The following ESRP1 variants were observed in gnomAD, a reference collection of about 807,000 sequenced individuals.
ESRP1 encodes the protein epithelial splicing regulatory protein 1, also known as RNA-binding motif protein 35A.
Under a neutral mutation model 81.7 loss-of-function variants are expected in ESRP1, and 33 were observed. That is an observed-to-expected ratio of 0.40 (90% CI 0.31 to 0.54). ESRP1 has a LOEUF of 0.54. Among genes scored for constraint, ESRP1 ranks in the 20% least tolerant of loss-of-function variants. ESRP1 has a pLI of 0.41. For missense variants in ESRP1, 672 were observed against 833.1 expected, an observed-to-expected ratio of 0.81 and a Z score of 2.38; for synonymous variants, 320 against 303.3, an observed-to-expected ratio of 1.06 and a Z score of -0.57.
intron 3 of ESRP1, among the ~76,000 whole-genome samples, chr8:94,645,217 C>T (rs1356327174): frequency 6.6e-6 from 1 of 151,984 alleles, no homozygotes. Flanking sequence ...CAGGTCACAT[C>T]TAGTAAAATC....
Position 94,642,024 on chromosome 8 carries a change from A to T in ESRP1, c.201A>T (p.Glu67Asp), listed in dbSNP as rs750891512. 2 of 1,613,872 alleles carry T rather than the reference A, an allele frequency of 1.2e-6. No individual in the cohort carries two copies. The highest frequency in any genetic ancestry group is 2.7e-5 in the African/African-American group (2 of 74,960). Residue 67 changes from glutamate (E) to aspartate (D), a missense_variant, in exon 2 of 16, where the codon GAA becomes GAT. Coordinates refer to ENST00000433389, the MANE Select transcript of ESRP1 (RefSeq NM_017697.4). ...QLELTEDCKE[E>D]TKIDVESLSS... ...AACTGACGGAGGACTGCAAAGAAGA[A>T]ACTAAAATAGACGTCGAAAGCCTGT...
chr8:94,701,168 A>G (rs1257253193), intron 15 of ESRP1, among the ~76,000 whole-genome samples: 3 of 150,398 alleles, frequency 2.0e-5, no homozygotes, highest in South Asian at 4.2e-4. Context: ...CCAGCTACTC[A>G]GAAGGCTGAG....
intron 13 of ESRP1, among the ~76,000 whole-genome samples, chr8:94,682,904 T>TTATATATATATATATATATATA (rs1170938965): frequency 1.3e-4 from 4 of 29,848 alleles, no homozygotes; most frequent in African/African-American, 7.1e-4. Flanking sequence ...ATTCATTATT[T>TTATATATATATATATATATATA]TATATATATA....
rs188930435 is a variant in ESRP1 at position 94,672,533 on chromosome 8, G to C, written c.1452+862G>C. ...CCAGGTGGTTGTAGTTGAAACTTTG[G>C]AACTTTTTTTTTTTTTTGAGACAGA... On this transcript the variant is annotated intron_variant, in intron 11 of 15. Transcript: ENST00000433389. Among the ~76,000 whole-genome samples the C allele has an allele frequency of 1.5e-4, 22 of 151,264 alleles. No homozygotes were observed. In the East Asian group the frequency reaches 2.9e-3, roughly 20 times the overall value.
intron 13 of ESRP1, among the ~76,000 whole-genome samples, chr8:94,679,189 T>C (rs1372672831): frequency 1.3e-5 from 2 of 152,254 alleles, no homozygotes; most frequent in African/African-American, 4.8e-5. Flanking sequence ...CCACTTTTAA[T>C]TATGTTTTTT....
At position 94,706,316 on chromosome 8, in the gene ESRP1, G is replaced by A. The variant is rs755359043; in HGVS notation, c.*427G>A. 11 of 182,948 alleles carry A rather than the reference G, an allele frequency of 6.0e-5. No homozygotes were observed. Among genetic ancestry groups the A allele is most frequent in the Middle Eastern group, 4.7e-3 (2 of 424 alleles). 11.3% of individuals were successfully genotyped at this position (182,948 alleles called of 1,614,324 possible). ...GGAAGCTTCATTTTTGTATATTCCC[G>A]CTCTTTTCTCTTCATTTCCCTGTCT... On this transcript the variant is annotated 3_prime_UTR_variant, in exon 16 of 16. Coordinates refer to ENST00000433389, the MANE Select transcript of ESRP1 (RefSeq NM_017697.4).
intron 4 of ESRP1, among the ~76,000 whole-genome samples, chr8:94,648,101 A>T (rs1817934568): frequency 6.6e-6 from 1 of 152,176 alleles, no homozygotes; most frequent in Non-Finnish European, 1.5e-5. Flanking sequence ...AACAAAAAAT[A>T]AAAAAATTAG....
chr8:94,655,190 A>G (rs1818343327), intron 4 of ESRP1, among the ~76,000 whole-genome samples: 1 of 151,608 alleles, frequency 6.6e-6, no homozygotes, highest in African/African-American at 2.4e-5. Context: ...CCTGGGTTCA[A>G]AGGATTCTCA....
intron 9 of ESRP1, 57 bp from the exon 10 acceptor site, chr8:94,667,892 G>C (rs1819107865): frequency 1.4e-6 from 2 of 1,433,674 alleles, no homozygotes. Context: ...TTTAAAATCG[G>C]TAAAGTTGAT....
intron 6 of ESRP1, among the ~76,000 whole-genome samples, chr8:94,663,381 G>C (rs1380617982): frequency 6.6e-6 from 1 of 152,126 alleles, no homozygotes; most frequent in Non-Finnish European, 1.5e-5. Context: ...CAGTAGCTGG[G>C]ATTACAGATG....
chr8:94,643,567 T>C (rs914583449), intron 3 of ESRP1, among the ~76,000 whole-genome samples, 151 bp downstream of exon 3: 21 of 152,184 alleles, frequency 1.4e-4, no homozygotes, highest in African/African-American at 5.1e-4. Flanking sequence ...TTTGGGAAGA[T>C]GAAAAAGCTC....
At chr8:94,654,681 G>A (rs894648167) in intron 4 of ESRP1, among the ~76,000 whole-genome samples, 1 of 151,992 alleles carries the variant, frequency 6.6e-6, no homozygotes, top group Admixed American at 6.6e-5. Flanking sequence ...CACCACTTTG[G>A]GAAGCTAAGG....
chr8:94,667,068 G>GGGGTGTGTGTGTGTGTGTGTGT lies in ESRP1; in HGVS notation c.932-880_932-879insGGTGTGTGTGTGTGTGTGTGTG, dbSNP rs1554577644. Among the ~76,000 whole-genome samples the GGGGTGTGTGTGTGTGTGTGTGT allele has an allele frequency of 1.9e-3, 276 of 144,312 alleles. 1 individual carries two copies. The highest frequency in any genetic ancestry group is 6.6e-3 in the African/African-American group (252 of 37,958). 94.7% of individuals were successfully genotyped at this position (144,312 alleles called of 152,430 possible). A position where few individuals can be genotyped will look rare whatever the true frequency, so the allele number is the denominator to read the frequency against. On this transcript the variant is annotated intron_variant, in intron 9 of 15. Coordinates refer to ENST00000433389, the MANE Select transcript of ESRP1 (RefSeq NM_017697.4). ...TAATACACAAATTAGCCAGGAGAGG[G>GGGGTGTGTGTGTGTGTGTGTGT]GTGTGTGTGTGTGTGTGTGTGTGTG...
At chr8:94,696,604 G>T (rs1170861557) in intron 14 of ESRP1, among the ~76,000 whole-genome samples, 1 of 152,150 alleles carries the variant, frequency 6.6e-6, no homozygotes, top group Admixed American at 6.5e-5. Context: ...TTGTGGTATG[G>T]TGTTTTGTAT....
intron 4 of ESRP1, among the ~76,000 whole-genome samples, chr8:94,655,716 C>A (rs1818374425): frequency 6.6e-6 from 1 of 151,894 alleles, no homozygotes; most frequent in South Asian, 2.1e-4. Context: ...TCTGGTGAAA[C>A]CCTGTCTCTA....
At chr8:94,669,568 T>C (rs1819199488) in intron 10 of ESRP1, among the ~76,000 whole-genome samples, 1 of 152,134 alleles carries the variant, frequency 6.6e-6, no homozygotes, top group Non-Finnish European at 1.5e-5. Flanking sequence ...ATTCTTACAA[T>C]TTAAAATTTA....
At position 94,642,114 on chromosome 8, in the gene ESRP1, C is replaced by T. The variant is rs199556034; in HGVS notation, c.261+30C>T. 20 of 1,603,550 alleles carry T rather than the reference C, an allele frequency of 1.2e-5. No homozygotes were observed. In the Admixed American group the frequency reaches 3.2e-4, roughly 25 times the overall value. On this transcript the variant is annotated intron_variant, in intron 2 of 15. Coordinates refer to ENST00000433389, the MANE Select transcript of ESRP1 (RefSeq NM_017697.4). ...CAACCCCGGGTCACGCCACCCACCC[C>T]AGCCTGGGCCCAACCCCACCGCACC... is the stretch of plus-strand genomic sequence containing the variant.
intron 13 of ESRP1, among the ~76,000 whole-genome samples, chr8:94,692,088 T>C (rs2130714443): frequency 6.6e-6 from 1 of 152,250 alleles, no homozygotes; most frequent in South Asian, 2.1e-4. Flanking sequence ...TTAATGGTGA[T>C]TGATTTAATT....
chr8:94,671,561 C>T lies in ESRP1; in HGVS notation c.1342C>T (p.Arg448Cys), dbSNP rs917152949. 55 of 1,613,812 alleles carry T rather than the reference C, an allele frequency of 3.4e-5. No individual in the cohort carries two copies. Among genetic ancestry groups the T allele is most frequent in the Non-Finnish European group, 4.5e-5 (53 of 1,179,884 alleles). The change falls in exon 11 of 16, where the codon CGC becomes TGC. Residue 448 changes from arginine to cysteine, a missense_variant. Physicochemically the swap from Arg to Cys is radical, Grantham distance 180 (BLOSUM62 -3). Coordinates refer to ENST00000433389, the MANE Select transcript of ESRP1 (RefSeq NM_017697.4). ...VPPTNVRDCI[R>C]LRGLPYAATI... Reference sequence around the variant, plus strand: ...CCCTACAAATGTTAGAGACTGTATACGCCTTCGAGGTCTTCCCTATGCAGC... The same window carrying T: ...CCCTACAAATGTTAGAGACTGTATATGCCTTCGAGGTCTTCCCTATGCAGC...
Sources: gnomAD v4.1 joint callset for allele counts (sites outside exome capture counted in the v4.1 genomes callset) on GRCh38, gnomAD v4.1.1 for gene constraint, MANE v1.5 for transcripts, NCBI Gene and HGNC (gene_info 2026-07-23, HGNC 2026-07-21) for gene names.